FAM20C: variants seen among roughly 807,000 people sequenced by gnomAD.
FAM20C encodes FAM20C golgi associated secretory pathway kinase, also known as extracellular serine/threonine protein kinase FAM20C.
A neutral mutation model predicts 51.5 loss-of-function variants in FAM20C; 40 were observed. That is an observed-to-expected ratio of 0.78 (90% CI 0.60 to 1.01). The LOEUF (loss-of-function observed/expected upper bound fraction) is 1.01, where lower values mean the gene tolerates loss of function less well. Among genes scored for constraint, FAM20C ranks in the 50% least tolerant of loss-of-function variants. The pLI, the probability that FAM20C is intolerant of heterozygous loss-of-function variation, is 0.00. For synonymous variants in FAM20C, 406 were observed against 380.6 expected (o/e 1.07, Z -0.78); for missense variants, 861 against 844.7 (o/e 1.02, Z -0.24).
At chr7:198,086 C>T (rs550091840) in intron 2 of FAM20C, among the ~76,000 whole-genome samples, 6 of 152,308 alleles carry the variant, frequency 3.9e-5, no homozygotes, top group East Asian at 1.9e-4. Flanking sequence ...TGATCTCGCT[C>T]GCTCGCCTCC....
In FAM20C at chr7:258,575, A is replaced by C; in HGVS notation, c.1446-71A>C. On this transcript the variant is annotated intron_variant, in intron 8 of 9. Transcript: ENST00000313766. ...GTACAGGCAGGTGGACCCATGGCCCAGCTCCCAGCCCAGCAGCCTGTTAGG... is the reference window on the plus strand; with the variant it reads ...GTACAGGCAGGTGGACCCATGGCCCCGCTCCCAGCCCAGCAGCCTGTTAGG... 6 of 1,481,928 alleles carry C rather than the reference A, an allele frequency of 4.0e-6. No homozygotes were observed. The South Asian group carries it at 7.2e-5, about 18-fold the overall frequency. 91.8% of individuals were successfully genotyped at this position (1,481,928 alleles called of 1,614,324 possible).
At chr7:247,420 G>T (rs1383263303) in intron 4 of FAM20C, among the ~76,000 whole-genome samples, 3 of 152,294 alleles carry the variant, frequency 2.0e-5, no homozygotes, top group East Asian at 3.9e-4. Flanking sequence ...ACACGTCCCA[G>T]CCTGGGGTGC....
chr7:257,042 G>A lies in FAM20C; in HGVS notation c.1401G>A (p.Lys467=), dbSNP rs1249534655. ...MDRHHYETFE[K]FGNETFIIHL... is the part of the protein sequence containing the mutation. ...GTCACCACTACGAGACTTTTGAGAA[G>A]TTTGGGAATGAAACGTTCATCATCC... is the stretch of plus-strand genomic sequence containing the variant. Residue 467 remains lysine, a synonymous_variant, in exon 8 of 10, where the codon AAG becomes AAA. Transcript: ENST00000313766. The A allele has an allele frequency of 6.5e-7, 1 of 1,537,138 alleles. No individual in the cohort carries two copies. The highest frequency in any genetic ancestry group is 1.2e-5 in the South Asian group (1 of 84,060).
chr7:195,776 G>C, intron 2 of FAM20C, 44 bp downstream of exon 2: 1 of 1,488,700 alleles, frequency 6.7e-7, no homozygotes, highest in Non-Finnish European at 9.0e-7. Flanking sequence ...TGTGCCGGCT[G>C]TGTGGCATCA....
At position 236,415 on chromosome 7, in the gene FAM20C, G is replaced by A. The variant is rs1787849244; in HGVS notation, c.864-10000G>A. 2.0e-5 allele frequency among the ~76,000 whole-genome samples: 3 copies of A among 152,332 alleles called. No homozygotes were observed. The South Asian group carries it at 6.2e-4, about 32-fold the overall frequency. ...CACCTGGCTCTGAGAAGCCTGCGTG[G>A]CTAGGCCAGGGGATTGAAGCCACAG... On this transcript the variant is annotated intron_variant, in intron 3 of 9. Coordinates refer to ENST00000313766, the MANE Select transcript of FAM20C (RefSeq NM_020223.4).
intron 6 of FAM20C, 57 bp downstream of exon 6, chr7:256,086 C>T: frequency 1.3e-6 from 2 of 1,517,720 alleles, no homozygotes; most frequent in Admixed American, 4.2e-5. Flanking sequence ...GGGAGCTGGG[C>T]CTGGGCGGGC....
chr7:199,314 C>T (rs1449533868), intron 2 of FAM20C, among the ~76,000 whole-genome samples: 2 of 152,228 alleles, frequency 1.3e-5, no homozygotes, highest in East Asian at 3.9e-4. Context: ...GCCTGGTGCC[C>T]CTAGACAGGT....
intron 3 of FAM20C, among the ~76,000 whole-genome samples, chr7:210,753 C>G (rs1391278833): frequency 6.6e-6 from 1 of 152,132 alleles, no homozygotes; most frequent in Non-Finnish European, 1.5e-5. Flanking sequence ...TTGTCCGGCC[C>G]CTATTTCATG....
chr7:232,688 A>G (rs1787736671), intron 3 of FAM20C, among the ~76,000 whole-genome samples: 1 of 152,338 alleles, frequency 6.6e-6, no homozygotes, highest in South Asian at 2.1e-4. Context: ...GAACCGTTCT[A>G]TGAGAAGGTG....
At chr7:234,231 G>T (rs952864874) in intron 3 of FAM20C, among the ~76,000 whole-genome samples, 1 of 152,236 alleles carries the variant, frequency 6.6e-6, no homozygotes, top group Non-Finnish European at 1.5e-5. Flanking sequence ...CCCCCTCCTC[G>T]TGCCCTCAGT....
rs759679515 is a variant in FAM20C, at chr7:258,730, C to G, written c.1505+25C>G. On this transcript the variant is annotated intron_variant, in intron 9 of 9. Transcript: ENST00000313766. ...GGTACAGCCCCTGCCGGAGCCGGCTCCAGCTCCACCCTCCTCCCTACTGCG... is the reference window on the plus strand; with the variant it reads ...GGTACAGCCCCTGCCGGAGCCGGCTGCAGCTCCACCCTCCTCCCTACTGCG... The G allele has an allele frequency of 3.3e-6, 5 of 1,529,268 alleles. No individual in the cohort carries two copies. The Admixed American group carries it at 7.9e-5, about 24-fold the overall frequency. The allele number at this position is 1,529,268 out of a possible 1,614,324, so 94.7% of individuals were successfully genotyped here. A position where few individuals can be genotyped will look rare whatever the true frequency, so the allele number is the denominator to read the frequency against.
At chr7:235,057 G>A (rs2115126127) in intron 3 of FAM20C, among the ~76,000 whole-genome samples, 1 of 152,306 alleles carries the variant, frequency 6.6e-6, no homozygotes, top group East Asian at 1.9e-4. Flanking sequence ...TGTTGAAAAT[G>A]AGAGAAATGT....
At chr7:196,148 G>A (rs1402644660) in intron 2 of FAM20C, among the ~76,000 whole-genome samples, 14 of 152,220 alleles carry the variant, frequency 9.2e-5, no homozygotes, top group Admixed American at 9.2e-4. Context: ...GCTGGGTGGG[G>A]AGACAGCCAT....
Position 259,898 on chromosome 7 carries a change from G to A in FAM20C, c.1673G>A (p.Arg558Gln), listed in dbSNP as rs562265099. The A allele has an allele frequency of 3.6e-5, 55 of 1,535,650 alleles. No individual in the cohort carries two copies. Among genetic ancestry groups the A allele is most frequent in the South Asian group, 2.6e-4 (22 of 84,026 alleles). The change falls in exon 10 of 10, where the codon CGG becomes CAG. Residue 558 changes from arginine (R) to glutamine (Q), a missense_variant. Coordinates refer to ENST00000313766, the MANE Select transcript of FAM20C (RefSeq NM_020223.4). The stretch of plus-strand genomic sequence containing the variant: ...CTCCGCGTCGTGCTAAAGGCCGTCC[G>A]GGACTGCGTGGAGAGGAACGGGCTC... ...RRLRVVLKAV[R>Q]DCVERNGLHS...
chr7:204,162 GT>G (rs144366296), intron 2 of FAM20C, among the ~76,000 whole-genome samples: 17,082 of 152,228 alleles, frequency 0.11, 1,236 homozygotes, highest in East Asian at 0.27. Flanking sequence ...TGGCGTCTAA[GT>G]TTTTAATAGG....
At chr7:212,077 T>C (rs545429907) in intron 3 of FAM20C, among the ~76,000 whole-genome samples, 1 of 152,294 alleles carries the variant, frequency 6.6e-6, no homozygotes, top group East Asian at 1.9e-4. Flanking sequence ...TGGGGGATGA[T>C]CGTTTCTTCT....
At chr7:206,169 A>G (rs1452452293) in intron 2 of FAM20C, among the ~76,000 whole-genome samples, 1 of 151,866 alleles carries the variant, frequency 6.6e-6, no homozygotes, top group Non-Finnish European at 1.5e-5. Flanking sequence ...CCTGCTCCAC[A>G]TCCCACGTCA....
intron 2 of FAM20C, chr7:197,052 C>T (rs62428648): frequency 0.018 from 2,989 of 164,378 alleles, 56 homozygotes; most frequent in Non-Finnish European, 0.033. Context: ...ACAGCCAGAA[C>T]GTCCCTTCTG....
At chr7:246,276 C>T (rs551947453) in intron 3 of FAM20C, 139 bp from the exon 4 acceptor site, 336 of 683,648 alleles carry the variant, frequency 4.9e-4, no homozygotes, top group Non-Finnish European at 6.2e-4. Context: ...CCCAGGGTCC[C>T]GAAGGCTCAG....
Sources: gnomAD v4.1 joint callset for allele counts (sites outside exome capture counted in the v4.1 genomes callset) on GRCh38, gnomAD v4.1.1 for gene constraint, MANE v1.5 for transcripts, NCBI Gene and HGNC (gene_info 2026-07-23, HGNC 2026-07-21) for gene names.